Variants in FANCA observed in about 807,000 individuals in gnomAD.
The protein encoded by FANCA is FA complementation group A.
FANCA carries 236 observed loss-of-function variants against 194.3 expected under a neutral mutation model. The observed-to-expected ratio is 1.21, with a 90% confidence interval of 1.09 to 1.35. The LOEUF (loss-of-function observed/expected upper bound fraction) is 1.35. Among genes scored for constraint, FANCA ranks in the 40% most tolerant of loss-of-function variants. The pLI is 0.00. For synonymous variants in FANCA, 1,014 were observed against 715.8 expected, an observed-to-expected ratio of 1.42 and a Z score of -6.65; for missense variants, 2,628 against 1,813.9, an observed-to-expected ratio of 1.45 and a Z score of -8.15.
At chr16:89,775,842 A>T (rs765920559) in intron 20 of FANCA, 27 bp from the exon 21 acceptor site, 1 of 1,512,108 alleles carries the variant, frequency 6.6e-7, no homozygotes, top group East Asian at 2.3e-5. Context: ...CAATACAATT[A>T]AGTCAGCTAT....
At chr16:89,810,003 G>A (rs972735668) in intron 5 of FANCA, among the ~76,000 whole-genome samples, 1 of 151,976 alleles carries the variant, frequency 6.6e-6, no homozygotes, top group African/African-American at 2.4e-5. Flanking sequence ...TCCAGCCTGG[G>A]CGGCAGAGCA....
chr16:89,756,021 CAACTGT>C (rs1345646426), intron 30 of FANCA, among the ~76,000 whole-genome samples: 1 of 152,032 alleles, frequency 6.6e-6, no homozygotes, highest in Non-Finnish European at 1.5e-5. Flanking sequence ...TTGCATGCCG[CAACTGT>C]AACACAACAG....
chr16:89,798,567 C>G, intron 10 of FANCA: 1 of 1,136,304 alleles, frequency 8.8e-7, no homozygotes, highest in Non-Finnish European at 1.1e-6. Flanking sequence ...TAGAGGGAAG[C>G]AAACCCCAGA....
At position 89,752,302 on chromosome 16, in the gene FANCA, G is replaced by A. The variant is rs770491435; in HGVS notation, c.2982-80C>T. 1.3e-4 allele frequency: 142 copies of A among 1,109,392 alleles called. 1 individual carries two copies. The Admixed American group carries it at 2.3e-3, about 18-fold the overall frequency. 68.7% of individuals were successfully genotyped at this position (1,109,392 alleles called of 1,614,324 possible). On this transcript the variant is annotated intron_variant, in intron 30 of 42. Transcript: ENST00000389301. ...TCCCAGTTCTCCTCCTGCCTCCGGA[G>A]CTGAGTGATGGCTGTGCTTCTCTGA...
Position 89,739,263 on chromosome 16 carries a change from G to C in FANCA, c.4037C>G (p.Ala1346Gly), listed in dbSNP as rs201886956. The change falls in exon 41 of 43, where the codon GCG becomes GGG. Residue 1346 changes from alanine (A) to glycine (G), a missense_variant. By Grantham distance (60) the Ala-to-Gly change is moderately conservative. Coordinates refer to ENST00000389301, the MANE Select transcript of FANCA (RefSeq NM_000135.4). ...YSLLSYFHED[A>G]AIREEAFLHV... The stretch of plus-strand genomic sequence containing the variant: ...CAGGAAGGCCTCTTCCCTGATGGCC[G>C]CGTCTTCATGGAAGTAGGAGAGAAG... The C allele has an allele frequency of 6.2e-7, 1 of 1,614,146 alleles. No homozygotes were observed.
At chr16:89,763,033 G>A (rs1409311469) in intron 28 of FANCA, among the ~76,000 whole-genome samples, 1 of 150,966 alleles carries the variant, frequency 6.6e-6, no homozygotes, top group Non-Finnish European at 1.5e-5. Flanking sequence ...GGATGATGAG[G>A]TCAGGAGATT....
chr16:89,738,042 G>A lies in FANCA; in HGVS notation c.*559C>T, dbSNP rs142475962. ...TCAAGTACCACATGACCAAACACAA[G>A]GCTGAGACTGAGCTGGACTTTGCCT... On this transcript the variant is annotated 3_prime_UTR_variant, in exon 43 of 43. Coordinates refer to ENST00000389301, the MANE Select transcript of FANCA (RefSeq NM_000135.4). The A allele has an allele frequency of 8.1e-6, 13 of 1,614,162 alleles. No homozygotes were observed. The highest frequency in any genetic ancestry group is 3.3e-5 in the Admixed American group (2 of 60,018).
At chr16:89,781,770 C>T (rs952800940) in intron 17 of FANCA, among the ~76,000 whole-genome samples, 3 of 151,470 alleles carry the variant, frequency 2.0e-5, no homozygotes, top group Non-Finnish European at 2.9e-5. Context: ...GAGGCCGAGA[C>T]GGGCGGATCA....
intron 28 of FANCA, chr16:89,762,491 G>A (rs916797890): frequency 3.0e-5 from 7 of 231,210 alleles, no homozygotes; most frequent in Non-Finnish European, 5.2e-5. Context: ...CCTCTTGGGA[G>A]GCTGAGGCAG....
chr16:89,813,156 T>C (rs1343489963), intron 3 of FANCA, among the ~76,000 whole-genome samples: 3 of 151,990 alleles, frequency 2.0e-5, no homozygotes, highest in Non-Finnish European at 4.4e-5. Context: ...GGCTCATGCC[T>C]GCAATCCCAA....
chr16:89,791,951 G>C lies in FANCA; in HGVS notation c.1201C>G (p.Pro401Ala). ...SFVSALVVCF[P>A]EAQQLLEDWV... ...CCTTCAAGCAGCTGCTGCGCTTCTG[G>C]AAAGCAGACAACCAGGGCAGACACA... Residue 401 changes from proline to alanine, a missense_variant, in exon 13 of 43, where the codon CCA becomes GCA. Pro to Ala is a conservative substitution (Grantham distance 27). Coordinates refer to ENST00000389301, the MANE Select transcript of FANCA (RefSeq NM_000135.4). 3 of 1,614,160 alleles carry C rather than the reference G, an allele frequency of 1.9e-6. No individual in the cohort carries two copies.
intron 26 of FANCA, 128 bp from the exon 27 acceptor site, chr16:89,767,365 TC>T: frequency 2.7e-6 from 2 of 742,574 alleles, no homozygotes; most frequent in East Asian, 5.5e-5. Context: ...CATTGGTCCT[TC>T]GTTTTTTGGT....
At chr16:89,752,421 T>G (rs2038628516) in intron 30 of FANCA, among the ~76,000 whole-genome samples, 199 bp from the exon 31 acceptor site, 1 of 152,108 alleles carries the variant, frequency 6.6e-6, no homozygotes, top group Admixed American at 6.5e-5. Context: ...TTATGTACCA[T>G]GACCAAGGAG....
In FANCA at chr16:89,773,325, T is replaced by C. The variant is rs1555549412; in HGVS notation, c.1960A>G (p.Thr654Ala). Residue 654 changes from threonine (T) to alanine (A), a missense_variant, in exon 22 of 43, where the codon ACA becomes GCA. Physicochemically the swap from Thr to Ala is moderately conservative, Grantham distance 58. Coordinates refer to ENST00000389301, the MANE Select transcript of FANCA (RefSeq NM_000135.4). ...GCTCTCAGCTCTCCCAGTGCAGCTG[T>C]GAGCTGTCCCAGGGGCTCCTCAGCA... is the stretch of plus-strand genomic sequence containing the variant. ...NSAEEPLGQLTAALGELRASM... is the reference protein window; with the variant it reads ...NSAEEPLGQLAAALGELRASM... 3 of 1,551,568 alleles carry C rather than the reference T, an allele frequency of 1.9e-6. No homozygotes were observed. Among genetic ancestry groups the C allele is most frequent in the Middle Eastern group, 1.7e-4 (1 of 5,990 alleles).
intron 13 of FANCA, 148 bp downstream of exon 13, chr16:89,791,779 G>T (rs1006560417): frequency 9.1e-7 from 1 of 1,100,136 alleles, no homozygotes; most frequent in Non-Finnish European, 1.3e-6. Flanking sequence ...GTCTGACAAA[G>T]AATGTTCCAT....
chr16:89,796,058 T>C, intron 10 of FANCA, 40 bp from the exon 11 acceptor site: 1 of 1,488,042 alleles, frequency 6.7e-7, no homozygotes, highest in Non-Finnish European at 9.4e-7. Flanking sequence ...AAAGGGAGGG[T>C]GCCTTGCACG....
At chr16:89,785,568 G>T (rs2039868344) in intron 14 of FANCA, among the ~76,000 whole-genome samples, 1 of 152,176 alleles carries the variant, frequency 6.6e-6, no homozygotes, top group African/African-American at 2.4e-5. Flanking sequence ...AGGAACGAAG[G>T]GGGCTGCAGC....
intron 41 of FANCA, 21 bp from the exon 42 acceptor site, chr16:89,738,995 C>G (rs1010028646): frequency 8.7e-6 from 14 of 1,614,220 alleles, no homozygotes; most frequent in Admixed American, 5.0e-5. Context: ...AACAGGCAAA[C>G]TCACAGGTTA....
rs1180032362 is a variant in FANCA at position 89,746,908 on chromosome 16, G to A, written c.3349-18C>T. 8.4e-6 allele frequency: 13 copies of A among 1,552,136 alleles called. No homozygotes were observed. In the African/African-American group the frequency reaches 1.4e-4, roughly 16 times the overall value. ...AAGTTTCTCTGCAAAAGAGTTCAAG[G>A]CAGGTAAGAAAAGCCCACAGGAAGA... is the stretch of plus-strand genomic sequence containing the variant. On this transcript the variant is annotated intron_variant, in intron 33 of 42. Coordinates refer to ENST00000389301, the MANE Select transcript of FANCA (RefSeq NM_000135.4).
Sources: allele counts gnomAD v4.1 joint callset (sites outside exome capture counted in the v4.1 genomes callset), GRCh38; gene constraint gnomAD v4.1.1; transcripts MANE v1.5; gene names NCBI Gene and HGNC (gene_info 2026-07-23, HGNC 2026-07-21).